The following TFEC variants were observed in gnomAD, a reference collection of about 807,000 sequenced individuals.
The protein encoded by TFEC is class E basic helix-loop-helix protein 34.
Under a neutral mutation model 41.6 loss-of-function variants are expected in TFEC, and 31 were observed. That is an observed-to-expected ratio of 0.74 (90% confidence interval 0.56 to 1.01). The LOEUF (loss-of-function observed/expected upper bound fraction) is 1.01. TFEC is among the 50% of genes least tolerant of loss of function. The pLI is 0.00. For synonymous variants in TFEC, 143 were observed against 140.6 expected (o/e 1.02, Z -0.12); for missense variants, 402 against 404.1 (o/e 0.99, Z 0.04).
At chr7:116,052,662 C>T (rs185560836) in intron 3 of TFEC, among the ~76,000 whole-genome samples, 2 of 151,768 alleles carry the variant, frequency 1.3e-5, no homozygotes, top group Admixed American at 6.6e-5. Context: ...CTCTTGATCT[C>T]GTGATCCACC....
Position 115,940,461 on chromosome 7 carries a change from A to G in TFEC, c.*90T>C. ...AACACATTCCTTTAAGAAAAAAAAT[A>G]AGCCAAAGCAACATATGAAACACAG... On this transcript the variant is annotated 3_prime_UTR_variant, in exon 8 of 8. Transcript: ENST00000265440. 1 of 1,387,996 alleles carries G rather than the reference A, an allele frequency of 7.2e-7. No individual in the cohort carries two copies. Among genetic ancestry groups the G allele is most frequent in the South Asian group, 1.6e-5 (1 of 62,482 alleles). 86.0% of individuals were successfully genotyped at this position (1,387,996 alleles called of 1,614,324 possible).
chr7:115,943,111 G>C (rs1793589685), intron 6 of TFEC, among the ~76,000 whole-genome samples: 1 of 152,008 alleles, frequency 6.6e-6, no homozygotes, highest in African/African-American at 2.4e-5. Flanking sequence ...GCCTGGATAA[G>C]AGCTCTGTTC....
intron 3 of TFEC, among the ~76,000 whole-genome samples, chr7:116,105,182 A>C (rs1797688501): frequency 6.6e-6 from 1 of 152,140 alleles, no homozygotes; most frequent in Non-Finnish European, 1.5e-5. Flanking sequence ...TCTCCAAAAA[A>C]AATTATAGAA....
At chr7:116,066,191 C>T (rs1274520773) in intron 3 of TFEC, among the ~76,000 whole-genome samples, 1 of 152,078 alleles carries the variant, frequency 6.6e-6, no homozygotes, top group Non-Finnish European at 1.5e-5. Flanking sequence ...TGCCATTAGA[C>T]GTTTGAATGA....
chr7:115,980,504 C>G (rs1262644455), intron 2 of TFEC, among the ~76,000 whole-genome samples: 1 of 152,170 alleles, frequency 6.6e-6, no homozygotes, highest in Non-Finnish European at 1.5e-5. Flanking sequence ...AATCCCAGCA[C>G]TTTGGGAGGC....
chr7:116,123,393 C>A (rs893966094), intron 1 of TFEC, among the ~76,000 whole-genome samples: 4 of 152,004 alleles, frequency 2.6e-5, no homozygotes, highest in African/African-American at 9.7e-5. Context: ...TTTGCAGTTA[C>A]CTTTAATCTT....
chr7:115,979,716 G>C (rs1448570446), intron 2 of TFEC, among the ~76,000 whole-genome samples: 1 of 151,906 alleles, frequency 6.6e-6, no homozygotes, highest in Non-Finnish European at 1.5e-5. Flanking sequence ...TCTCTTAACA[G>C]TCCCTTCATC....
chr7:116,032,846 A>T (rs757588721), upstream of TFEC, among the ~76,000 whole-genome samples: 2 of 152,154 alleles, frequency 1.3e-5, no homozygotes, highest in Non-Finnish European at 2.9e-5. Flanking sequence ...ATAGTTAAAA[A>T]TTTTTAAAAA....
chr7:116,046,618 C>A (rs1044928495), intron 3 of TFEC, among the ~76,000 whole-genome samples: 6 of 152,018 alleles, frequency 3.9e-5, no homozygotes, highest in Non-Finnish European at 8.8e-5. Flanking sequence ...AGCCTTAATC[C>A]AACATGAATA....
At chr7:115,991,245 C>A (rs1038572306) in intron 1 of TFEC, among the ~76,000 whole-genome samples, 3 of 152,218 alleles carry the variant, frequency 2.0e-5, no homozygotes, top group Admixed American at 6.5e-5. Context: ...TGGAAAGGAA[C>A]AACTAGTACA....
chr7:116,081,328 C>G (rs918681107), intron 3 of TFEC, among the ~76,000 whole-genome samples: 1 of 151,868 alleles, frequency 6.6e-6, no homozygotes, highest in Non-Finnish European at 1.5e-5. Context: ...AAGTCCATCT[C>G]ATTATCTTCC....
chr7:116,090,242 T>C (rs2131086396), intron 3 of TFEC, among the ~76,000 whole-genome samples: 1 of 152,238 alleles, frequency 6.6e-6, no homozygotes, highest in East Asian at 1.9e-4. Flanking sequence ...CTGGTTGGTT[T>C]CTTTCTGCAA....
chr7:116,113,362 C>CA (rs1238386347), intron 1 of TFEC, among the ~76,000 whole-genome samples: 1 of 151,822 alleles, frequency 6.6e-6, no homozygotes, highest in Non-Finnish European at 1.5e-5. Flanking sequence ...AAAAGAATCC[C>CA]AAGTGATGAA....
At chr7:116,154,165 T>G (rs1420120598) in intron 1 of TFEC, among the ~76,000 whole-genome samples, 2 of 152,212 alleles carry the variant, frequency 1.3e-5, no homozygotes, top group Non-Finnish European at 2.9e-5. Context: ...AGTCTTCCTA[T>G]TCCTTATAAA....
chr7:116,075,072 A>G (rs1231803716), intron 3 of TFEC, among the ~76,000 whole-genome samples: 1 of 152,186 alleles, frequency 6.6e-6, no homozygotes, highest in Non-Finnish European at 1.5e-5. Flanking sequence ...AATAGATATG[A>G]TGGTTTTCTT....
intron 3 of TFEC, among the ~76,000 whole-genome samples, chr7:116,103,627 T>C (rs1797651995): frequency 6.6e-6 from 1 of 152,162 alleles, no homozygotes; most frequent in South Asian, 2.1e-4. Context: ...CAATTATCTA[T>C]ATCTGAAATT....
chr7:116,113,521 C>T (rs1056662068), intron 1 of TFEC, among the ~76,000 whole-genome samples: 11 of 151,954 alleles, frequency 7.2e-5, no homozygotes, highest in Non-Finnish European at 1.5e-4. Flanking sequence ...TTAAGTCACC[C>T]AGTTTGTGGT....
intron 1 of TFEC, among the ~76,000 whole-genome samples, chr7:116,119,745 T>C (rs972569982): frequency 1.4e-4 from 21 of 151,824 alleles, no homozygotes; most frequent in Admixed American, 1.1e-3. Context: ...ATCCAGTTAT[T>C]ATATTTTTTA....
chr7:115,992,632 C>T (rs1794175217), intron 1 of TFEC, among the ~76,000 whole-genome samples: 1 of 152,238 alleles, frequency 6.6e-6, no homozygotes, highest in African/African-American at 2.4e-5. Context: ...TGGATACATA[C>T]AACCTCCCAA....
Sources: gnomAD v4.1 joint callset for allele counts (sites outside exome capture counted in the v4.1 genomes callset) on GRCh38, gnomAD v4.1.1 for gene constraint, MANE v1.5 for transcripts, NCBI Gene and HGNC (gene_info 2026-07-23, HGNC 2026-07-21) for gene names.